PSMD1: variants seen among roughly 807,000 people sequenced by gnomAD.
PSMD1 encodes the protein 26S proteasome non-ATPase regulatory subunit 1.
A neutral mutation model predicts 119.0 loss-of-function variants in PSMD1; 18 were observed. The observed-to-expected ratio is 0.15, with a 90% CI of 0.10 to 0.22. The LOEUF is 0.22. Among genes scored for constraint, PSMD1 ranks in the 10% least tolerant of loss-of-function variants. PSMD1 has a pLI of 1.00. For synonymous variants in PSMD1, 374 were observed against 396.6 expected, an observed-to-expected ratio of 0.94 and a Z score of 0.68; for missense variants, 702 against 1,158.5, an observed-to-expected ratio of 0.61 and a Z score of 5.72.
chr2:231,112,784 G>A (rs1282437344), intron 16 of PSMD1, among the ~76,000 whole-genome samples: 8 of 152,110 alleles, frequency 5.3e-5, no homozygotes, highest in Non-Finnish European at 1.2e-4. Context: ...GCCGTAAGAC[G>A]ATTTAGAAGA....
intron 22 of PSMD1, 122 bp from the exon 23 acceptor site, chr2:231,165,749 T>G (rs1207806757): frequency 6.1e-6 from 5 of 816,076 alleles, no homozygotes; most frequent in Non-Finnish European, 9.2e-6. Context: ...TTAGTTGTAC[T>G]TCCATTACTA....
chr2:231,156,359 A>T (rs1256051203), intron 19 of PSMD1, among the ~76,000 whole-genome samples: 1 of 152,152 alleles, frequency 6.6e-6, no homozygotes, highest in Non-Finnish European at 1.5e-5. Context: ...TATTAACTAA[A>T]GTCCCTAGTT....
chr2:231,143,466 GATCC>G (rs1252845298), intron 17 of PSMD1, among the ~76,000 whole-genome samples: 1 of 150,578 alleles, frequency 6.6e-6, no homozygotes, highest in Non-Finnish European at 1.5e-5. Context: ...CTGACCTCGT[GATCC>G]ACCTGCCTCG....
chr2:231,141,884 A>G (rs532812286), intron 17 of PSMD1, among the ~76,000 whole-genome samples: 25 of 150,540 alleles, frequency 1.7e-4, no homozygotes, highest in East Asian at 1.6e-3. Context: ...TTGTTTGTTT[A>G]TTTATTTATT....
At chr2:231,079,831 G>T (rs539126897) in intron 11 of PSMD1, among the ~76,000 whole-genome samples, 1 of 152,240 alleles carries the variant, frequency 6.6e-6, no homozygotes, top group Admixed American at 6.5e-5. Flanking sequence ...TAAAGACTGT[G>T]TAAGCCATTG....
At chr2:231,164,129 A>G (rs1302514317) in intron 21 of PSMD1, among the ~76,000 whole-genome samples, 1 of 152,088 alleles carries the variant, frequency 6.6e-6, no homozygotes, top group African/African-American at 2.4e-5. Context: ...TTGTTTTACC[A>G]GTTTTTTCTT....
intron 4 of PSMD1, among the ~76,000 whole-genome samples, chr2:231,064,182 G>A (rs541463810): frequency 6.6e-6 from 1 of 152,200 alleles, no homozygotes; most frequent in South Asian, 2.1e-4. Flanking sequence ...TTAAAAGTGG[G>A]GTTCACCCTT....
At chr2:231,058,436 T>A (rs1476426022) in intron 1 of PSMD1, among the ~76,000 whole-genome samples, 2 of 152,250 alleles carry the variant, frequency 1.3e-5, no homozygotes, top group Non-Finnish European at 2.9e-5. Context: ...ACATTGTGTT[T>A]AGAGCAGCCG....
At chr2:231,081,704 G>T (rs1005445199) in intron 12 of PSMD1, among the ~76,000 whole-genome samples, 3 of 152,212 alleles carry the variant, frequency 2.0e-5, no homozygotes, top group Non-Finnish European at 2.9e-5. Flanking sequence ...ATGTTGGGAT[G>T]CTGTCACTAA....
At chr2:231,083,817 CTT>C (rs1206018570) in intron 14 of PSMD1, 54 bp downstream of exon 14, 1 of 1,536,068 alleles carries the variant, frequency 6.5e-7, no homozygotes, top group Non-Finnish European at 8.9e-7. Context: ...GTAAAAAACA[CTT>C]AACTTCACTG....
At chr2:231,100,955 C>T (rs1694852716) in intron 16 of PSMD1, among the ~76,000 whole-genome samples, 1 of 152,210 alleles carries the variant, frequency 6.6e-6, no homozygotes, top group Admixed American at 6.5e-5. Context: ...GGGGGCACCA[C>T]CTGCCGAGTC....
chr2:231,062,259 A>G lies in PSMD1; in HGVS notation c.72A>G (p.Leu24=). ...GTTATCTTTTACAGGAATTTGCACT[A>G]CACAAATTGAATGCAGTTGTTAATG... ...EDEPQLKEFA[L]HKLNAVVNDF... The change falls in exon 3 of 25, where the codon CTA becomes CTG. Residue 24 remains leucine, a synonymous_variant. Transcript: ENST00000308696. 1 of 1,612,014 alleles carries G rather than the reference A, an allele frequency of 6.2e-7. No homozygotes were observed. The highest frequency in any genetic ancestry group is 8.5e-7 in the Non-Finnish European group (1 of 1,178,222).
intron 16 of PSMD1, among the ~76,000 whole-genome samples, chr2:231,094,994 G>A (rs1694690831): frequency 6.6e-6 from 1 of 152,188 alleles, no homozygotes; most frequent in Non-Finnish European, 1.5e-5. Context: ...CCAGGTATGT[G>A]AGCAAAAAAT....
At chr2:231,120,189 T>C (rs1376334556) in intron 16 of PSMD1, among the ~76,000 whole-genome samples, 1 of 152,148 alleles carries the variant, frequency 6.6e-6, no homozygotes, top group Admixed American at 6.5e-5. Flanking sequence ...TGACCTCAGG[T>C]GATCCATCCG....
At chr2:231,088,283 CAT>C (rs1694504803) in intron 16 of PSMD1, among the ~76,000 whole-genome samples, 1 of 152,134 alleles carries the variant, frequency 6.6e-6, no homozygotes, top group Admixed American at 6.5e-5. Context: ...TCCAGTAATT[CAT>C]TACTGTCTAC....
At chr2:231,067,309 C>T (rs1693933083) in intron 5 of PSMD1, among the ~76,000 whole-genome samples, 198 bp downstream of exon 5, 1 of 152,148 alleles carries the variant, frequency 6.6e-6, no homozygotes, top group Non-Finnish European at 1.5e-5. Context: ...CTGCTTTTAT[C>T]TTACCACATA....
At chr2:231,066,063 A>G (rs1050021195) in intron 4 of PSMD1, among the ~76,000 whole-genome samples, 17 of 152,254 alleles carry the variant, frequency 1.1e-4, no homozygotes, top group African/African-American at 3.9e-4. Context: ...AGGCCATACC[A>G]TAGAGCCTAG....
chr2:231,135,707 T>C (rs1040191909), intron 16 of PSMD1, among the ~76,000 whole-genome samples: 1 of 152,170 alleles, frequency 6.6e-6, no homozygotes, highest in East Asian at 1.9e-4. Flanking sequence ...AACTAACAAA[T>C]TTAGCAAAAC....
chr2:231,075,639 G>T lies in PSMD1; in HGVS notation c.942+68G>T, dbSNP rs182223773. 5.1e-3 allele frequency: 7,370 copies of T among 1,442,618 alleles called. 24 individuals are homozygous for T. Among genetic ancestry groups the T allele is most frequent in the Middle Eastern group, 0.01 (47 of 4,628 alleles). 89.4% of individuals were successfully genotyped at this position (1,442,618 alleles called of 1,614,324 possible). ...CTGTCACCCAGGCTAGAACGCAGTG[G>T]CGCGGTCTCGGCTCACTACAACCTC... is the stretch of plus-strand genomic sequence containing the variant. On this transcript the variant is annotated intron_variant, in intron 8 of 24. Transcript: ENST00000308696.
Sources: allele counts gnomAD v4.1 joint callset (sites outside exome capture counted in the v4.1 genomes callset), GRCh38; gene constraint gnomAD v4.1.1; transcripts MANE v1.5; gene names NCBI Gene and HGNC (gene_info 2026-07-23, HGNC 2026-07-21).